INPP4B: variants seen among roughly 807,000 people sequenced by gnomAD.
The protein encoded by INPP4B is inositol polyphosphate-4-phosphatase type II B.
A neutral mutation model predicts 122.5 loss-of-function variants in INPP4B; 55 were observed. That is an observed-to-expected ratio of 0.45 (90% CI 0.36 to 0.56). The LOEUF (loss-of-function observed/expected upper bound fraction) is 0.56. INPP4B is among the 20% of genes least tolerant of loss of function. The probability of loss-of-function intolerance (pLI) is 0.00; values close to 1 mark genes in which losing one functional copy is unlikely to be tolerated. For synonymous variants in INPP4B, 403 were observed against 388.7 expected, an observed-to-expected ratio of 1.04 and a Z score of -0.43; for missense variants, 1,000 against 1,097.7, an observed-to-expected ratio of 0.91 and a Z score of 1.26.
At chr4:142,435,664 A>G (rs1158050048) in intron 3 of INPP4B, among the ~76,000 whole-genome samples, 1 of 152,206 alleles carries the variant, frequency 6.6e-6, no homozygotes, top group Non-Finnish European at 1.5e-5. Flanking sequence ...GTGGCTGCCC[A>G]CCTGAGAGCC....
At chr4:142,353,862 G>T (rs555545326) in intron 7 of INPP4B, among the ~76,000 whole-genome samples, 1 of 151,956 alleles carries the variant, frequency 6.6e-6, no homozygotes, top group Non-Finnish European at 1.5e-5. Context: ...ACCCTGTTCT[G>T]TGAGTCCCAC....
At chr4:142,509,936 C>CTTTTCCCATTTTCCCATTTTAT (rs1442629327) in intron 2 of INPP4B, among the ~76,000 whole-genome samples, 3 of 152,054 alleles carry the variant, frequency 2.0e-5, no homozygotes, top group Non-Finnish European at 1.5e-5. Flanking sequence ...AATGGGAAAC[C>CTTTTCCCATTTTCCCATTTTAT]TAAGAATTTA....
chr4:142,619,472 T>C (rs570971898), intron 2 of INPP4B, among the ~76,000 whole-genome samples: 27 of 152,166 alleles, frequency 1.8e-4, no homozygotes, highest in African/African-American at 6.0e-4. Flanking sequence ...TTATGCTATG[T>C]GAAATAAGCC....
At chr4:142,114,741 C>A (rs1792134866) in intron 21 of INPP4B, among the ~76,000 whole-genome samples, 1 of 151,760 alleles carries the variant, frequency 6.6e-6, no homozygotes, top group Admixed American at 6.6e-5. Context: ...TAATGGTGTT[C>A]TTTTGATGCT....
At chr4:142,158,676 A>G (rs1818488202) in intron 17 of INPP4B, among the ~76,000 whole-genome samples, 1 of 152,096 alleles carries the variant, frequency 6.6e-6, no homozygotes, top group South Asian at 2.1e-4. Flanking sequence ...CTGAGCTCCA[A>G]GAACTAAGGA....
chr4:142,294,829 CAA>C (rs57430432), intron 9 of INPP4B, among the ~76,000 whole-genome samples: 836 of 28,372 alleles, frequency 0.029, 2 homozygotes, highest in Middle Eastern at 0.077. Flanking sequence ...GACTCCGTCT[CAA>C]AAAAAAAAAA....
At chr4:142,042,551 TATG>T (rs1424158566) in intron 25 of INPP4B, among the ~76,000 whole-genome samples, 5 of 30,588 alleles carry the variant, frequency 1.6e-4, no homozygotes, top group African/African-American at 2.5e-4. Flanking sequence ...TGTATGTATG[TATG>T]TATGTATTTA....
At chr4:142,814,139 G>T (rs1327528888) in intron 1 of INPP4B, among the ~76,000 whole-genome samples, 1 of 152,176 alleles carries the variant, frequency 6.6e-6, no homozygotes, top group African/African-American at 2.4e-5. Flanking sequence ...CTGTGCAAAA[G>T]ACAGAAGGGG....
chr4:142,507,568 T>C (rs1008663340), intron 2 of INPP4B, among the ~76,000 whole-genome samples: 1 of 151,842 alleles, frequency 6.6e-6, no homozygotes, highest in African/African-American at 2.4e-5. Flanking sequence ...AAATGAAAGA[T>C]AAAAAAAGAC....
intron 25 of INPP4B, among the ~76,000 whole-genome samples, chr4:142,062,605 G>A (rs1439994691): frequency 6.6e-6 from 1 of 151,860 alleles, no homozygotes; most frequent in Non-Finnish European, 1.5e-5. Flanking sequence ...GCATGGCGGT[G>A]CGCACCTGTA....
intron 2 of INPP4B, among the ~76,000 whole-genome samples, chr4:142,705,330 C>T (rs1026013200): frequency 1.3e-5 from 2 of 152,056 alleles, no homozygotes; most frequent in Admixed American, 1.3e-4. Context: ...GTATCATCTC[C>T]CACAGACTGA....
At chr4:142,458,386 CAAAG>C (rs151281507) in intron 3 of INPP4B, among the ~76,000 whole-genome samples, 2,566 of 151,816 alleles carry the variant, frequency 0.017, 69 homozygotes, top group African/African-American at 0.058. Context: ...TGTCAAAACT[CAAAG>C]AACTATATGC....
At chr4:142,185,820 A>G (rs991605293) in intron 15 of INPP4B, among the ~76,000 whole-genome samples, 1 of 149,248 alleles carries the variant, frequency 6.7e-6, no homozygotes, top group Non-Finnish European at 1.5e-5. Context: ...CGGAGCTTGC[A>G]GTGAGCCGAG....
intron 10 of INPP4B, among the ~76,000 whole-genome samples, chr4:142,262,962 A>G (rs1047748217): frequency 1.3e-5 from 2 of 152,140 alleles, no homozygotes; most frequent in Non-Finnish European, 2.9e-5. Flanking sequence ...TTCCACTTAC[A>G]CTATTTTTGC....
chr4:142,202,810 G>A (rs1304276459), intron 14 of INPP4B: 3 of 983,316 alleles, frequency 3.1e-6, no homozygotes, highest in Non-Finnish European at 3.6e-6. Context: ...GCGGGGCCGT[G>A]CTTGACAGGT....
intron 15 of INPP4B, among the ~76,000 whole-genome samples, chr4:142,187,208 G>T (rs1007124623): frequency 3.9e-5 from 6 of 152,008 alleles, no homozygotes; most frequent in Non-Finnish European, 7.4e-5. Context: ...AAAAGGAACT[G>T]ACAGGGGCTT....
chr4:142,669,946 A>G (rs180991078), intron 2 of INPP4B, among the ~76,000 whole-genome samples: 32 of 152,316 alleles, frequency 2.1e-4, no homozygotes, highest in Non-Finnish European at 3.8e-4. Context: ...AAAAAATTTG[A>G]AGATACAGGA....
chr4:142,038,814 C>G (rs1021321686), intron 25 of INPP4B, among the ~76,000 whole-genome samples: 3 of 152,108 alleles, frequency 2.0e-5, no homozygotes, highest in Non-Finnish European at 4.4e-5. Context: ...GGAGAGATCG[C>G]CTATGTATCA....
chr4:142,679,692 T>A (rs911543735), intron 2 of INPP4B, among the ~76,000 whole-genome samples: 20 of 151,854 alleles, frequency 1.3e-4, no homozygotes, highest in African/African-American at 4.8e-4. Flanking sequence ...AGGATTAAGA[T>A]CTATAAGATG....
Sources: gnomAD v4.1 joint callset for allele counts (sites outside exome capture counted in the v4.1 genomes callset) on GRCh38, gnomAD v4.1.1 for gene constraint, MANE v1.5 for transcripts, NCBI Gene and HGNC (gene_info 2026-07-23, HGNC 2026-07-21) for gene names.